The following TNRC6C variants were observed in gnomAD, a reference collection of about 807,000 sequenced individuals.
The protein encoded by TNRC6C is trinucleotide repeat containing adaptor 6C.
A neutral mutation model predicts 153.7 loss-of-function variants in TNRC6C; 20 were observed. The ratio of observed to expected loss-of-function variants is 0.13; its 90% CI spans 0.09 to 0.19. The LOEUF is 0.19. Among genes scored for constraint, TNRC6C ranks in the 10% least tolerant of loss-of-function variants. TNRC6C has a pLI of 1.00. For synonymous variants in TNRC6C, 811 were observed against 841.4 expected, an observed-to-expected ratio of 0.96 and a Z score of 0.63; for missense variants, 1,987 against 2,172.0, an observed-to-expected ratio of 0.91 and a Z score of 1.69.
At chr17:78,044,139 G>A (rs2072357549) in intron 2 of TNRC6C, among the ~76,000 whole-genome samples, 2 of 152,062 alleles carry the variant, frequency 1.3e-5, no homozygotes, top group African/African-American at 4.8e-5. Flanking sequence ...CATAGTCTCA[G>A]TTGTAATTTT....
At chr17:78,023,761 A>C (rs2071880766) in intron 1 of TNRC6C, among the ~76,000 whole-genome samples, 1 of 151,472 alleles carries the variant, frequency 6.6e-6, no homozygotes, top group Admixed American at 6.6e-5. Context: ...AGCTGTGATC[A>C]TGCCACTACA....
chr17:78,093,476 A>T (rs1265163655), intron 15 of TNRC6C, 144 bp from the exon 18 acceptor site: 1 of 1,011,028 alleles, frequency 9.9e-7, no homozygotes, highest in African/African-American at 1.6e-5. Context: ...GATTGCTTTA[A>T]TGAAAGAGAG....
At chr17:78,090,129 AGT>A (rs1217130324) in intron 13 of TNRC6C, among the ~76,000 whole-genome samples, 1 of 152,160 alleles carries the variant, frequency 6.6e-6, no homozygotes, top group East Asian at 1.9e-4. Flanking sequence ...AGGTCTGCGA[AGT>A]GTGTGTGTGC....
At chr17:78,069,497 C>T (rs1185567346) in intron 5 of TNRC6C, among the ~76,000 whole-genome samples, 1 of 152,174 alleles carries the variant, frequency 6.6e-6, no homozygotes, top group East Asian at 1.9e-4. Context: ...TGTCCTCCTG[C>T]CTCAGCCTCC....
chr17:78,078,938 A>G (rs905513351), intron 9 of TNRC6C, among the ~76,000 whole-genome samples: 1 of 152,162 alleles, frequency 6.6e-6, no homozygotes, highest in Non-Finnish European at 1.5e-5. Context: ...TAAAAATACA[A>G]AAAATTTAGC....
At chr17:78,103,265 A>G in intron 18 of TNRC6C, 149 bp from the exon 22 acceptor site, 3 of 920,724 alleles carry the variant, frequency 3.3e-6, no homozygotes, top group Non-Finnish European at 1.6e-6. Flanking sequence ...ATAAAACGTT[A>G]ATGTTGTAAA....
At chr17:78,067,990 C>A (rs1202094850) in intron 5 of TNRC6C, 67 bp downstream of exon 7, 1 of 1,508,728 alleles carries the variant, frequency 6.6e-7, no homozygotes, top group African/African-American at 1.4e-5. Flanking sequence ...CATTCAGTAT[C>A]CAGTTAATCA....
intron 16 of TNRC6C, among the ~76,000 whole-genome samples, 156 bp downstream of exon 18, chr17:78,093,919 A>C (rs2073436709): frequency 6.6e-6 from 1 of 152,046 alleles, no homozygotes; most frequent in Non-Finnish European, 1.5e-5. Flanking sequence ...AAAAGACAGC[A>C]GGTAGTGCTT....
chr17:78,024,007 G>T (rs1436756390), intron 1 of TNRC6C, among the ~76,000 whole-genome samples: 1 of 152,160 alleles, frequency 6.6e-6, no homozygotes, highest in Non-Finnish European at 1.5e-5. Flanking sequence ...CTACTTGGGA[G>T]GCTGAGGCAG....
chr17:77,972,511 TAAA>T (rs747461343), intron 1 of TNRC6C, among the ~76,000 whole-genome samples: 2 of 131,460 alleles, frequency 1.5e-5, no homozygotes, highest in Admixed American at 7.6e-5. Flanking sequence ...GACTCTGTCT[TAAA>T]AAAAAAAAAA....
intron 3 of TNRC6C, among the ~76,000 whole-genome samples, chr17:78,052,140 G>T (rs1210390843): frequency 2.6e-5 from 4 of 152,226 alleles, no homozygotes; most frequent in African/African-American, 9.6e-5. Flanking sequence ...GCACAGGTGG[G>T]CCAGGCTGTC....
intron 1 of TNRC6C, among the ~76,000 whole-genome samples, chr17:77,974,486 C>T (rs74547261): frequency 0.042 from 6,415 of 151,696 alleles, 436 homozygotes; most frequent in African/African-American, 0.15. Flanking sequence ...ACCCCCGCCC[C>T]GCCCCAAAAA....
intron 1 of TNRC6C, among the ~76,000 whole-genome samples, chr17:78,006,524 T>C (rs1257956301): frequency 7.2e-6 from 1 of 139,470 alleles, no homozygotes; most frequent in African/African-American, 2.9e-5. Context: ...TTCTTCTTCT[T>C]CTTCTTCTTC....
chr17:78,031,869 G>A, intron 2 of TNRC6C, 27 bp downstream of exon 4: 7 of 1,232,024 alleles, frequency 5.7e-6, no homozygotes, highest in Non-Finnish European at 7.1e-6. Context: ...ATGAGACATT[G>A]TTTTGATCTG....
At chr17:78,003,499 A>C (rs2071445347), upstream of TNRC6C, among the ~76,000 whole-genome samples, 1 of 152,240 alleles carries the variant, frequency 6.6e-6, no homozygotes, top group Non-Finnish European at 1.5e-5. Flanking sequence ...TAAAAAACTC[A>C]GTAGAAGGAT....
chr17:78,092,457 T>G (rs2073410388), intron 14 of TNRC6C, among the ~76,000 whole-genome samples: 1 of 152,178 alleles, frequency 6.6e-6, no homozygotes, highest in Non-Finnish European at 1.5e-5. Context: ...TCATAAGTTG[T>G]CCCCAAAAAG....
At chr17:78,108,259 C>G (rs902302145) in exon 20 of TNRC6C, 3 of 154,442 alleles carry the variant, frequency 1.9e-5, no homozygotes, top group Non-Finnish European at 2.9e-5. Flanking sequence ...TGGCCCCCCC[C>G]CACCCATGGG....
intron 1 of TNRC6C, 38 bp downstream of exon 1, chr17:77,959,306 C>T (rs887719698): frequency 1.1e-4 from 17 of 151,842 alleles, no homozygotes; most frequent in Admixed American, 9.2e-4. Context: ...GCCGCAGCCG[C>T]AACTTTGCCG....
chr17:77,980,740 T>C (rs1214652169), intron 1 of TNRC6C, among the ~76,000 whole-genome samples: 2 of 152,196 alleles, frequency 1.3e-5, no homozygotes, highest in Non-Finnish European at 2.9e-5. Context: ...CACCCCTCTT[T>C]GGGTTCAGTT....
Sources: allele counts gnomAD v4.1 joint callset (sites outside exome capture counted in the v4.1 genomes callset), GRCh38; gene constraint gnomAD v4.1.1; transcripts MANE v1.5; gene names NCBI Gene and HGNC (gene_info 2026-07-23, HGNC 2026-07-21).